Variants in ZFYVE28 observed in about 807,000 individuals in gnomAD.
ZFYVE28 encodes the protein lateral signaling target protein 2 homolog.
ZFYVE28 carries 40 observed loss-of-function variants against 82.1 expected under a neutral mutation model. That is an observed-to-expected ratio of 0.49 (90% CI 0.38 to 0.63). The LOEUF is 0.63. Ranked by LOEUF, ZFYVE28 falls within the 30% of genes least tolerant of loss-of-function variation. ZFYVE28 has a pLI of 0.00. For synonymous variants in ZFYVE28, 612 were observed against 546.1 expected, an observed-to-expected ratio of 1.12 and a Z score of -1.68; for missense variants, 1,321 against 1,242.1, an observed-to-expected ratio of 1.06 and a Z score of -0.96.
chr4:2,272,637 T>C (rs896237387), intron 10 of ZFYVE28, among the ~76,000 whole-genome samples: 27 of 152,318 alleles, frequency 1.8e-4, no homozygotes, highest in South Asian at 2.1e-4. Flanking sequence ...GTGTCAAGCA[T>C]GTGTGATACC....
chr4:2,271,139 T>C, intron 12 of ZFYVE28, 172 bp downstream of exon 12: 1 of 764,394 alleles, frequency 1.3e-6, no homozygotes, highest in Non-Finnish European at 2.1e-6. Context: ...CAGGTTCCCG[T>C]GGTCAAATGC....
intron 7 of ZFYVE28, among the ~76,000 whole-genome samples, chr4:2,318,520 A>G (rs981799344): frequency 2.6e-5 from 4 of 152,200 alleles, no homozygotes; most frequent in Non-Finnish European, 5.9e-5. Context: ...TCACACCACT[A>G]CACGTGGACA....
chr4:2,323,940 T>C (rs1221047041), intron 6 of ZFYVE28, among the ~76,000 whole-genome samples: 1 of 152,086 alleles, frequency 6.6e-6, no homozygotes, highest in Non-Finnish European at 1.5e-5. Context: ...ATCCAGTCTA[T>C]CATTGTTGGA....
chr4:2,356,811 G>A (rs1016614685), intron 1 of ZFYVE28, among the ~76,000 whole-genome samples: 2 of 149,320 alleles, frequency 1.3e-5, no homozygotes, highest in Admixed American at 1.3e-4. Context: ...AGGGAGTGCT[G>A]CACTTTCGAA....
chr4:2,395,521 C>G (rs1030459002), intron 1 of ZFYVE28, among the ~76,000 whole-genome samples: 46 of 152,172 alleles, frequency 3.0e-4, no homozygotes, highest in Non-Finnish European at 5.6e-4. Flanking sequence ...GGACTCCGGC[C>G]CCTGCTCAGC....
At position 2,305,193 on chromosome 4, in the gene ZFYVE28, C is replaced by G. The variant is rs767021649; in HGVS notation, c.1147G>C (p.Ala383Pro). 5.6e-6 allele frequency: 9 copies of G among 1,600,744 alleles called. No homozygotes were observed. In the Admixed American group the frequency reaches 1.5e-4, roughly 27 times the overall value. ...PGAEGSPGGE[A>P]SPGRPRLRSG... is the part of the protein sequence containing the mutation. Reference sequence around the variant, plus strand: ...CGCAGGCGCGGTCTACCTGGAGAGGCCTCCCCGCCTGGGCTGCCCTCCGCT... The same window carrying G: ...CGCAGGCGCGGTCTACCTGGAGAGGGCTCCCCGCCTGGGCTGCCCTCCGCT... The change falls in exon 8 of 13, where the codon GCC becomes CCC. Residue 383 changes from alanine to proline, a missense_variant. Around this residue, in one of 2 missense-constraint regions of ZFYVE28, gnomAD observed 978 missense variants for 833.7 expected, o/e 1.17. Coordinates refer to ENST00000290974, the MANE Select transcript of ZFYVE28 (RefSeq NM_020972.3).
intron 8 of ZFYVE28, among the ~76,000 whole-genome samples, chr4:2,276,645 G>A (rs532987595): frequency 5.6e-4 from 85 of 152,284 alleles, no homozygotes; most frequent in Middle Eastern, 3.4e-3. Flanking sequence ...AAGGAAATTC[G>A]GATCTAGGCT....
At chr4:2,390,980 C>T (rs1560325987) in intron 1 of ZFYVE28, among the ~76,000 whole-genome samples, 1 of 152,218 alleles carries the variant, frequency 6.6e-6, no homozygotes, top group Non-Finnish European at 1.5e-5. Context: ...AGCTTCACAG[C>T]TGAAAGTCAT....
chr4:2,321,015 T>C (rs1411295341), intron 6 of ZFYVE28, among the ~76,000 whole-genome samples: 1 of 152,080 alleles, frequency 6.6e-6, no homozygotes, highest in South Asian at 2.1e-4. Flanking sequence ...CGAGTGTGCC[T>C]TGATCATCCA....
chr4:2,273,033 G>T, intron 10 of ZFYVE28, 140 bp downstream of exon 10: 1 of 705,396 alleles, frequency 1.4e-6, no homozygotes. Context: ...AGAGGTCAGG[G>T]GATCCTGGGG....
chr4:2,341,228 T>G lies in ZFYVE28; in HGVS notation c.318+250A>C. The G allele has an allele frequency of 1.8e-6, 1 of 571,238 alleles. No individual in the cohort carries two copies. Among genetic ancestry groups the G allele is most frequent in the East Asian group, 3.0e-5 (1 of 33,006 alleles). 35.4% of individuals were successfully genotyped at this position (571,238 alleles called of 1,614,324 possible). On this transcript the variant is annotated intron_variant, in intron 3 of 12. Transcript: ENST00000290974. The surrounding 1 kb of genome is among the most constrained non-coding windows in gnomAD (Gnocchi z 4.5). ...CTGGCTGTCTGGGGGCCTGTGAACC[T>G]CATAAAAACCACATGGGAAATTTCA...
chr4:2,387,143 AG>A (rs1729351640), intron 1 of ZFYVE28, among the ~76,000 whole-genome samples: 2 of 152,194 alleles, frequency 1.3e-5, no homozygotes, highest in Admixed American at 1.3e-4. Flanking sequence ...GTTTGCCTGC[AG>A]GAGGAGGCTG....
At chr4:2,356,748 G>A (rs530436723) in intron 1 of ZFYVE28, among the ~76,000 whole-genome samples, 1 of 152,330 alleles carries the variant, frequency 6.6e-6, no homozygotes, top group East Asian at 1.9e-4. Flanking sequence ...GGGGAGGCGG[G>A]GAAAGTGAGG....
rs1729153422 is a variant in ZFYVE28 at position 2,385,435 on chromosome 4, C to T, written c.40-31362G>A. On this transcript the variant is annotated intron_variant, in intron 1 of 12. Coordinates refer to ENST00000290974, the MANE Select transcript of ZFYVE28 (RefSeq NM_020972.3). ...GAGAGCACCTGCTGCCCTTACAGAG[C>T]TGCTGTCTCCTGACCCCGGCCTGCC... Among the ~76,000 whole-genome samples the T allele has an allele frequency of 3.9e-5, 6 of 152,360 alleles. No homozygotes were observed. The South Asian group carries it at 1.2e-3, about 32-fold the overall frequency.
In ZFYVE28 at chr4:2,339,577, G is replaced by A. The variant is rs530153478; in HGVS notation, c.397C>T (p.Arg133Cys). Reference protein sequence around the residue: ...AMRPLAKELTRSLEDVRGALR... With the variant: ...AMRPLAKELTCSLEDVRGALR... ...GCGCCCCGCACGTCCTCCAGGCTGC[G>A]CGTCAGCTCCTTGGCCAGCGGGCGC... Residue 133 changes from arginine to cysteine, a missense_variant, in exon 4 of 13, where the codon CGC (arginine) becomes TGC (cysteine). Coordinates refer to ENST00000290974, the MANE Select transcript of ZFYVE28 (RefSeq NM_020972.3). This position sits in a 1 kb window ranked among gnomAD's most constrained non-coding sequence, Gnocchi z 5.0. 16 of 1,612,742 alleles carry A rather than the reference G, an allele frequency of 9.9e-6. No individual in the cohort carries two copies. Among genetic ancestry groups the A allele is most frequent in the South Asian group, 3.3e-5 (3 of 90,816 alleles).
chr4:2,303,643 A>G (rs761618681), intron 8 of ZFYVE28, among the ~76,000 whole-genome samples: 60 of 151,888 alleles, frequency 4.0e-4, no homozygotes, highest in Non-Finnish European at 8.2e-4. Context: ...GGGGGATGGG[A>G]GCCCATGAGA....
chr4:2,340,114 A>G (rs1328340274), intron 3 of ZFYVE28, among the ~76,000 whole-genome samples: 3 of 152,308 alleles, frequency 2.0e-5, no homozygotes, highest in Non-Finnish European at 4.4e-5. Context: ...GGGATGAAGC[A>G]GCCGGGCTGA....
chr4:2,404,695 A>C (rs1161946410), intron 1 of ZFYVE28, among the ~76,000 whole-genome samples: 3 of 152,180 alleles, frequency 2.0e-5, no homozygotes, highest in African/African-American at 7.2e-5. Context: ...GTGAAGAGTG[A>C]CTACATAATA....
chr4:2,360,814 C>T (rs1307571742), intron 1 of ZFYVE28, among the ~76,000 whole-genome samples: 7 of 152,192 alleles, frequency 4.6e-5, no homozygotes, highest in African/African-American at 1.4e-4. Flanking sequence ...TCCAGCACGA[C>T]GGGGCTCACC....
Sources: gnomAD v4.1 joint callset for allele counts (sites outside exome capture counted in the v4.1 genomes callset) on GRCh38, gnomAD v4.1.1 for gene constraint, gnomAD v4.1.1 regional missense constraint, Gnocchi (gnomAD v3.1) non-coding constraint, MANE v1.5 for transcripts, NCBI Gene and HGNC (gene_info 2026-07-23, HGNC 2026-07-21) for gene names.